The following LDLRAD4 variants were observed in gnomAD, a reference collection of about 807,000 sequenced individuals.
LDLRAD4 encodes low-density lipoprotein receptor class A domain-containing protein 4.
LDLRAD4 carries 5 observed loss-of-function variants against 17.0 expected under a neutral mutation model. The observed-to-expected ratio is 0.29, with a 90% CI of 0.15 to 0.62. LDLRAD4 has a LOEUF of 0.62. Ranked by LOEUF, LDLRAD4 falls within the 20% of genes least tolerant of loss-of-function variation. The probability of loss-of-function intolerance (pLI) is 0.84; values close to 1 mark genes in which losing one functional copy is unlikely to be tolerated. For synonymous variants in LDLRAD4, 168 were observed against 171.8 expected (o/e 0.98, Z 0.17); for missense variants, 340 against 424.7 (o/e 0.80, Z 1.75).
At chr18:13,547,233 A>G (rs1055392237) in intron 3 of LDLRAD4, among the ~76,000 whole-genome samples, 1 of 152,220 alleles carries the variant, frequency 6.6e-6, no homozygotes, top group African/African-American at 2.4e-5. Flanking sequence ...ATTAGGGTCC[A>G]GTGATTTTAA....
intron 3 of LDLRAD4, among the ~76,000 whole-genome samples, chr18:13,556,052 C>T (rs775371702): frequency 6.6e-6 from 1 of 152,124 alleles, no homozygotes; most frequent in Non-Finnish European, 1.5e-5. Context: ...CTCGGAGTCA[C>T]TGAGATTTAT....
intron 1 of LDLRAD4, among the ~76,000 whole-genome samples, chr18:13,226,947 C>T (rs192160019): frequency 6.6e-6 from 1 of 152,116 alleles, no homozygotes. Flanking sequence ...GAGTCAGCAC[C>T]TGGCTGTCTG....
intron 4 of LDLRAD4, among the ~76,000 whole-genome samples, chr18:13,628,801 T>C (rs1007305096): frequency 6.6e-6 from 1 of 152,210 alleles, no homozygotes; most frequent in African/African-American, 2.4e-5. Flanking sequence ...ATGTTGGCAC[T>C]GCTCAGAATG....
chr18:13,322,202 A>C (rs1365351251), intron 1 of LDLRAD4, among the ~76,000 whole-genome samples: 1 of 151,096 alleles, frequency 6.6e-6, no homozygotes, highest in Non-Finnish European at 1.5e-5. Flanking sequence ...TAATTTTTTT[A>C]TGTAAGGACT....
intron 1 of LDLRAD4, among the ~76,000 whole-genome samples, chr18:13,331,458 A>G (rs2081863228): frequency 6.6e-6 from 1 of 152,192 alleles, no homozygotes; most frequent in Non-Finnish European, 1.5e-5. Flanking sequence ...AAAAGAGAAA[A>G]TAAGCCCTCC....
intron 1 of LDLRAD4, among the ~76,000 whole-genome samples, chr18:13,308,777 C>T (rs893552100): frequency 5.9e-5 from 9 of 152,244 alleles, no homozygotes; most frequent in East Asian, 1.9e-4. Flanking sequence ...TGCGTGATAA[C>T]GCATGCAGAT....
intron 1 of LDLRAD4, among the ~76,000 whole-genome samples, chr18:13,324,371 T>C (rs1279698340): frequency 1.3e-5 from 2 of 152,000 alleles, no homozygotes; most frequent in Non-Finnish European, 2.9e-5. Flanking sequence ...CTCCATCTCC[T>C]GACTTTGTGA....
At chr18:13,226,315 T>A (rs547182245) in intron 1 of LDLRAD4, among the ~76,000 whole-genome samples, 1 of 151,270 alleles carries the variant, frequency 6.6e-6, no homozygotes, top group South Asian at 2.1e-4. Flanking sequence ...GCCCCTGTGC[T>A]TGGCCTGAAC....
At chr18:13,612,473 ATT>A in intron 3 of LDLRAD4, 1 of 1,312,562 alleles carries the variant, frequency 7.6e-7, no homozygotes. Context: ...GAGCCACAGC[ATT>A]TGAGTCTAGC....
intron 1 of LDLRAD4, among the ~76,000 whole-genome samples, chr18:13,350,994 T>C (rs990768822): frequency 6.6e-6 from 1 of 152,206 alleles, no homozygotes; most frequent in Non-Finnish European, 1.5e-5. Context: ...TCTGTATGCC[T>C]ATCTCAGTAC....
At chr18:13,609,488 C>T (rs1465568991) in intron 3 of LDLRAD4, among the ~76,000 whole-genome samples, 1 of 151,958 alleles carries the variant, frequency 6.6e-6, no homozygotes, top group Non-Finnish European at 1.5e-5. Flanking sequence ...TACACCATGT[C>T]CCCAGACACC....
At chr18:13,306,384 C>T (rs922418698) in intron 1 of LDLRAD4, among the ~76,000 whole-genome samples, 1 of 152,198 alleles carries the variant, frequency 6.6e-6, no homozygotes, top group Admixed American at 6.5e-5. Context: ...TCAGGAAGTA[C>T]GTTGCCAGTA....
intron 3 of LDLRAD4, among the ~76,000 whole-genome samples, chr18:13,473,726 C>T (rs890911868): frequency 7.1e-6 from 1 of 141,186 alleles, no homozygotes; most frequent in Admixed American, 7.4e-5. Context: ...TATACAGGGG[C>T]GGGGCTTATA....
At chr18:13,250,713 A>G (rs915047251) in intron 1 of LDLRAD4, among the ~76,000 whole-genome samples, 1 of 152,234 alleles carries the variant, frequency 6.6e-6, no homozygotes, top group Non-Finnish European at 1.5e-5. Flanking sequence ...CAGACTAACA[A>G]GAAATGAAGT....
chr18:13,338,315 T>C (rs2082209103), intron 1 of LDLRAD4, among the ~76,000 whole-genome samples: 1 of 152,222 alleles, frequency 6.6e-6, no homozygotes, highest in African/African-American at 2.4e-5. Context: ...AGTAGCACTG[T>C]TCTCTGGAGG....
intron 1 of LDLRAD4, among the ~76,000 whole-genome samples, chr18:13,220,482 G>T (rs1392764119): frequency 6.6e-6 from 1 of 152,180 alleles, no homozygotes; most frequent in African/African-American, 2.4e-5. Flanking sequence ...GCAGTGGAAC[G>T]CAGCCAGTGC....
intron 1 of LDLRAD4, among the ~76,000 whole-genome samples, chr18:13,233,527 G>T (rs944743057): frequency 6.6e-6 from 1 of 152,160 alleles, no homozygotes; most frequent in Non-Finnish European, 1.5e-5. Flanking sequence ...CTCTGGTGCT[G>T]TTTTATGGAA....
chr18:13,479,231 A>G (rs1288101977), intron 3 of LDLRAD4, among the ~76,000 whole-genome samples: 1 of 152,228 alleles, frequency 6.6e-6, no homozygotes, highest in East Asian at 1.9e-4. Context: ...GATGTTTTAG[A>G]TATAATACAA....
chr18:13,454,107 G>A (rs2091992700), intron 3 of LDLRAD4, among the ~76,000 whole-genome samples: 1 of 152,256 alleles, frequency 6.6e-6, no homozygotes, highest in Admixed American at 6.5e-5. Flanking sequence ...TTTATAAGGT[G>A]TGCTGTCTTT....
Sources: gnomAD v4.1 joint callset for allele counts (sites outside exome capture counted in the v4.1 genomes callset) on GRCh38, gnomAD v4.1.1 for gene constraint, MANE v1.5 for transcripts, NCBI Gene and HGNC (gene_info 2026-07-23, HGNC 2026-07-21) for gene names.